Variants in CTNNA3 observed in about 807,000 individuals in gnomAD.
CTNNA3 encodes the protein catenin alpha 3.
In CTNNA3, 76 loss-of-function variants were observed where a neutral mutation model predicts 95.7. The ratio of observed to expected loss-of-function variants is 0.79; its 90% CI spans 0.66 to 0.96. The LOEUF (loss-of-function observed/expected upper bound fraction) is 0.96. Ranked by LOEUF, CTNNA3 falls within the 40% of genes least tolerant of loss-of-function variation. The pLI is 0.00. For synonymous variants in CTNNA3, 431 were observed against 374.4 expected, an observed-to-expected ratio of 1.15 and a Z score of -1.74; for missense variants, 1,191 against 1,089.8, an observed-to-expected ratio of 1.09 and a Z score of -1.31.
intron 5 of CTNNA3, among the ~76,000 whole-genome samples, chr10:67,339,309 T>C (rs1842099067): frequency 6.6e-6 from 1 of 152,150 alleles, no homozygotes; most frequent in Admixed American, 6.5e-5. Context: ...CATAATCACA[T>C]CAAGTTTGGG....
chr10:66,608,262 T>C (rs1034350236), intron 10 of CTNNA3, among the ~76,000 whole-genome samples: 11 of 151,884 alleles, frequency 7.2e-5, no homozygotes, highest in Non-Finnish European at 1.3e-4. Flanking sequence ...GTCTCTACAA[T>C]AAGAATTACA....
intron 5 of CTNNA3, among the ~76,000 whole-genome samples, chr10:67,422,679 T>G (rs75125818): frequency 0.083 from 12,636 of 152,110 alleles, 620 homozygotes; most frequent in South Asian, 0.16. Flanking sequence ...ACATTCTCAT[T>G]CACTCTCTCT....
intron 11 of CTNNA3, among the ~76,000 whole-genome samples, chr10:66,392,580 AG>A: frequency 6.6e-6 from 1 of 152,280 alleles, no homozygotes. Flanking sequence ...AATGAGCAAA[AG>A]ATGCGAGCAG....
At chr10:66,828,880 G>T (rs1032446268) in intron 7 of CTNNA3, among the ~76,000 whole-genome samples, 1 of 152,176 alleles carries the variant, frequency 6.6e-6, no homozygotes, top group African/African-American at 2.4e-5. Context: ...GCCACAGAGG[G>T]CTTGCCAGAT....
At chr10:66,331,705 C>G (rs549815858) in intron 12 of CTNNA3, among the ~76,000 whole-genome samples, 2 of 151,826 alleles carry the variant, frequency 1.3e-5, no homozygotes. Flanking sequence ...GTTACTGTAG[C>G]CTTGTAGTAT....
At chr10:66,793,056 G>A (rs1448902911) in intron 7 of CTNNA3, among the ~76,000 whole-genome samples, 1 of 152,156 alleles carries the variant, frequency 6.6e-6, no homozygotes, top group African/African-American at 2.4e-5. Context: ...AGGGCTATGA[G>A]AATTAGGTTT....
intron 13 of CTNNA3, among the ~76,000 whole-genome samples, chr10:66,130,864 CAA>C (rs1209953818): frequency 6.0e-5 from 5 of 83,260 alleles, no homozygotes; most frequent in South Asian, 3.9e-4. Context: ...CAAAAACAAA[CAA>C]AAAAAAAAAA....
chr10:67,444,258 A>T (rs961137551), intron 5 of CTNNA3, among the ~76,000 whole-genome samples: 6 of 152,198 alleles, frequency 3.9e-5, no homozygotes, highest in Non-Finnish European at 7.3e-5. Flanking sequence ...GAAACTATAC[A>T]AACATATGAA....
intron 7 of CTNNA3, among the ~76,000 whole-genome samples, chr10:66,940,163 C>A (rs951992398): frequency 2.0e-5 from 3 of 152,078 alleles, no homozygotes; most frequent in Admixed American, 2.0e-4. Flanking sequence ...AGATGGAAAA[C>A]GTTGTTCTGA....
At chr10:67,213,235 T>C (rs1246439818) in intron 6 of CTNNA3, among the ~76,000 whole-genome samples, 1 of 151,768 alleles carries the variant, frequency 6.6e-6, no homozygotes. Context: ...TATAATATTC[T>C]TTTAGTGTTT....
chr10:67,091,525 C>A (rs938186935), intron 7 of CTNNA3, among the ~76,000 whole-genome samples: 1 of 151,990 alleles, frequency 6.6e-6, no homozygotes, highest in African/African-American at 2.4e-5. Context: ...AAAGTATTTA[C>A]TATTTTCTAC....
chr10:67,235,916 A>G (rs1260995165), intron 5 of CTNNA3, among the ~76,000 whole-genome samples: 4 of 145,734 alleles, frequency 2.7e-5, no homozygotes, highest in African/African-American at 1.1e-4. Flanking sequence ...AAAAATGCTC[A>G]CCATCACTGG....
chr10:66,454,811 A>C, intron 11 of CTNNA3, among the ~76,000 whole-genome samples: 1 of 111,672 alleles, frequency 9.0e-6, no homozygotes, highest in Non-Finnish European at 1.8e-5. Flanking sequence ...GAGAGGAGGG[A>C]GAGGAGGGGG....
rs187102752 is a variant in CTNNA3 at position 67,264,368 on chromosome 10, T to G, written c.580-44498A>C. Among the ~76,000 whole-genome samples the G allele has an allele frequency of 5.1e-4, 78 of 152,294 alleles. No homozygotes were observed. The East Asian group carries it at 0.01, about 20-fold the overall frequency. On this transcript the variant is annotated intron_variant, in intron 5 of 17. Coordinates refer to ENST00000433211, the MANE Select transcript of CTNNA3 (RefSeq NM_013266.4). ...ATTTTTTCAAAGTTATAATAATAAC[T>G]ATTAAGGGCTTACTATGTTCCAGGT...
At chr10:66,863,791 T>C (rs1326309462) in intron 7 of CTNNA3, among the ~76,000 whole-genome samples, 1 of 152,064 alleles carries the variant, frequency 6.6e-6, no homozygotes. Context: ...TCTAATTGTG[T>C]CACTAGGAGG....
At chr10:65,995,181 C>G (rs1395088193) in intron 15 of CTNNA3, among the ~76,000 whole-genome samples, 1 of 151,796 alleles carries the variant, frequency 6.6e-6, no homozygotes, top group African/African-American at 2.4e-5. Flanking sequence ...TAATATCTTG[C>G]TGGACAATTA....
chr10:67,110,486 TAATTGGAC>T (rs754358560), intron 7 of CTNNA3, among the ~76,000 whole-genome samples: 135 of 152,298 alleles, frequency 8.9e-4, no homozygotes, highest in Middle Eastern at 3.4e-3. Flanking sequence ...TGATGGCAAG[TAATTGGAC>T]AATTGGACAG....
rs2092231515 is a variant in CTNNA3, at chr10:66,324,618, C to A, written c.1733-43997G>T. 3.3e-5 allele frequency among the ~76,000 whole-genome samples: 5 copies of A among 152,148 alleles called. No individual in the cohort carries two copies. In the South Asian group the frequency reaches 1.0e-3, roughly 32 times the overall value. On this transcript the variant is annotated intron_variant, in intron 12 of 17. Transcript: ENST00000433211. ...TCTGCACCTGCCCATCTGCATGCTCCCCTTCCTGCAAGGGGTTTGAGCAGT... is the reference window on the plus strand; with the variant it reads ...TCTGCACCTGCCCATCTGCATGCTCACCTTCCTGCAAGGGGTTTGAGCAGT...
intron 4 of CTNNA3, among the ~76,000 whole-genome samples, chr10:67,532,647 T>C (rs1400820553): frequency 6.6e-6 from 1 of 152,114 alleles, no homozygotes. Context: ...CCTTCATTTT[T>C]AGGAATAAGT....
Sources: allele counts gnomAD v4.1 joint callset (sites outside exome capture counted in the v4.1 genomes callset), GRCh38; gene constraint gnomAD v4.1.1; transcripts MANE v1.5; gene names NCBI Gene and HGNC (gene_info 2026-07-23, HGNC 2026-07-21).